Variants in TMEM71 observed in about 807,000 individuals in gnomAD.
TMEM71 encodes the protein transmembrane protein 71.
TMEM71 carries 44 observed loss-of-function variants against 38.0 expected under a neutral mutation model. That is an observed-to-expected ratio of 1.16 (90% CI 0.91 to 1.49). The LOEUF (loss-of-function observed/expected upper bound fraction) is 1.49. TMEM71 is among the 40% of genes most tolerant of loss of function. The pLI is 0.00. For synonymous variants in TMEM71, 133 were observed against 122.5 expected (o/e 1.09, Z -0.56); for missense variants, 367 against 348.6 (o/e 1.05, Z -0.42).
intron 5 of TMEM71, among the ~76,000 whole-genome samples, chr8:132,741,155 G>T (rs554327077): frequency 6.6e-6 from 1 of 152,264 alleles, no homozygotes; most frequent in Non-Finnish European, 1.5e-5. Flanking sequence ...ACGAGGTCAG[G>T]AGATCAAGAC....
intron 5 of TMEM71, among the ~76,000 whole-genome samples, chr8:132,728,450 C>A (rs576468132): frequency 6.6e-6 from 1 of 152,194 alleles, no homozygotes; most frequent in Non-Finnish European, 1.5e-5. Context: ...TGATTCAATA[C>A]CCTCCCACCA....
the TMEM71 span, among the ~76,000 whole-genome samples, chr8:132,766,760 G>A: frequency 9.4e-5 from 14 of 148,940 alleles, no homozygotes; most frequent in Admixed American, 2.0e-4. Flanking sequence ...ACCCTAACCC[G>A]GGCAACAGAG....
In TMEM71 at chr8:132,710,088, T is replaced by C. The variant is rs1325142235; in HGVS notation, c.*879A>G. 1 of 152,084 alleles carries C rather than the reference T, an allele frequency of 6.6e-6. No individual in the cohort carries two copies. Among genetic ancestry groups the C allele is most frequent in the Admixed American group, 6.5e-5 (1 of 15,268 alleles). 9.4% of individuals were successfully genotyped at this position (152,084 alleles called of 1,614,324 possible). On this transcript the variant is annotated 3_prime_UTR_variant, in exon 10 of 10. Transcript: ENST00000677595. Reference sequence around the variant, plus strand: ...TGTATGAGTTTTTACTCAGAGAGTATCACATAGAACAAATTTGAATTACAG... The same window carrying C: ...TGTATGAGTTTTTACTCAGAGAGTACCACATAGAACAAATTTGAATTACAG...
the TMEM71 span, chr8:132,775,711 C>T: frequency 1.3e-4 from 40 of 315,372 alleles, no homozygotes; most frequent in Non-Finnish European, 1.8e-4. Flanking sequence ...GGGACGCCCC[C>T]ATTCTGGTGT....
At position 132,746,925 on chromosome 8, in the gene TMEM71, G is replaced by A. The variant is rs1313451087; in HGVS notation, c.487+17C>T. On this transcript the variant is annotated intron_variant, in intron 5 of 9. Transcript: ENST00000677595. ...TGGAGATAAAATTTTACTATGGAAA[G>A]GAGGACTCAAACTCACCATTTCCAT... The A allele has an allele frequency of 3.8e-6, 6 of 1,561,648 alleles. No homozygotes were observed. The highest frequency in any genetic ancestry group is 4.3e-6 in the Non-Finnish European group (5 of 1,156,700).
chr8:132,717,919 G>A (rs1206202495), intron 7 of TMEM71, among the ~76,000 whole-genome samples: 3 of 152,160 alleles, frequency 2.0e-5, no homozygotes, highest in Admixed American at 6.5e-5. Context: ...CATAGAAAAG[G>A]ATGAAGTACT....
chr8:132,744,630 C>G (rs1308863901), intron 5 of TMEM71, among the ~76,000 whole-genome samples: 1 of 152,184 alleles, frequency 6.6e-6, no homozygotes, highest in Non-Finnish European at 1.5e-5. Context: ...CAAATTCAAA[C>G]TATTCCTATC....
At chr8:132,739,248 G>T (rs1827910416) in intron 5 of TMEM71, among the ~76,000 whole-genome samples, 1 of 152,242 alleles carries the variant, frequency 6.6e-6, no homozygotes, top group Non-Finnish European at 1.5e-5. Context: ...CTTCCGGGCA[G>T]CAGAGCAGAG....
chr8:132,722,659 A>T (rs1254302227), intron 6 of TMEM71, among the ~76,000 whole-genome samples: 1 of 152,234 alleles, frequency 6.6e-6, no homozygotes, highest in East Asian at 1.9e-4. Context: ...TAAAAACCAC[A>T]TCTAGACAGA....
chr8:132,744,689 C>T (rs1315865083), intron 5 of TMEM71, among the ~76,000 whole-genome samples: 3 of 152,100 alleles, frequency 2.0e-5, no homozygotes, highest in Non-Finnish European at 2.9e-5. Context: ...ATTTAAATTT[C>T]ATGTGGTACC....
chr8:132,721,497 C>T (rs7820613), intron 7 of TMEM71, among the ~76,000 whole-genome samples: 80,356 of 151,178 alleles, frequency 0.53, 22,966 homozygotes, highest in African/African-American at 0.75. Context: ...TTTTAAGCAA[C>T]GTACACTGGG....
chr8:132,715,144 T>G (rs993274100), intron 7 of TMEM71, among the ~76,000 whole-genome samples: 1 of 151,970 alleles, frequency 6.6e-6, no homozygotes, highest in Non-Finnish European at 1.5e-5. Context: ...GCGGTGCTCA[T>G]GCCTGTAATC....
chr8:132,730,159 T>G (rs1266297128), intron 5 of TMEM71, among the ~76,000 whole-genome samples: 1 of 152,144 alleles, frequency 6.6e-6, no homozygotes, highest in Non-Finnish European at 1.5e-5. Flanking sequence ...GGTTTCTCCA[T>G]GTTGGTCAGA....
At chr8:132,762,042 C>T (rs1030927022), upstream of TMEM71, among the ~76,000 whole-genome samples, 4 of 152,196 alleles carry the variant, frequency 2.6e-5, no homozygotes, top group Non-Finnish European at 4.4e-5. Context: ...CCCTGGCCCA[C>T]GCAAACTGGG....
At chr8:132,770,458 G>T in the TMEM71 span, among the ~76,000 whole-genome samples, 1 of 152,114 alleles carries the variant, frequency 6.6e-6, no homozygotes, top group Admixed American at 6.5e-5. Context: ...CATCCCCATG[G>T]CCACCATACT....
At chr8:132,749,679 C>A (rs1407823940) in intron 4 of TMEM71, among the ~76,000 whole-genome samples, 2 of 152,142 alleles carry the variant, frequency 1.3e-5, no homozygotes, top group Non-Finnish European at 2.9e-5. Context: ...GGTGGGTCAC[C>A]AGTTAAGCTA....
At chr8:132,714,861 A>G (rs79378180) in intron 7 of TMEM71, among the ~76,000 whole-genome samples, 1,672 of 152,346 alleles carry the variant, frequency 0.011, 37 homozygotes, top group African/African-American at 0.038. Context: ...TCAAAATTCA[A>G]TAATAAGAAA....
the TMEM71 span, among the ~76,000 whole-genome samples, chr8:132,770,222 C>T: frequency 2.0e-5 from 3 of 152,232 alleles, no homozygotes; most frequent in African/African-American, 7.2e-5. Context: ...AGAGAATTCT[C>T]AGCTTTGTTG....
At chr8:132,706,156 G>A (rs905697042), downstream of TMEM71, among the ~76,000 whole-genome samples, 1 of 152,086 alleles carries the variant, frequency 6.6e-6, no homozygotes, top group African/African-American at 2.4e-5. Context: ...CTTGAACTTT[G>A]CAGCCTTTAG....
Sources: allele counts gnomAD v4.1 joint callset (sites outside exome capture counted in the v4.1 genomes callset), GRCh38; gene constraint gnomAD v4.1.1; transcripts MANE v1.5; gene names NCBI Gene and HGNC (gene_info 2026-07-23, HGNC 2026-07-21).